The following RYR2 variants were observed in gnomAD, a reference collection of about 807,000 sequenced individuals.
RYR2 encodes cardiac muscle ryanodine receptor-calcium release channel.
RYR2 carries 227 observed loss-of-function variants against 601.1 expected under a neutral mutation model. That is an observed-to-expected ratio of 0.38 (90% CI 0.34 to 0.42). The LOEUF (loss-of-function observed/expected upper bound fraction) is 0.42, where lower values mean the gene tolerates loss of function less well. RYR2 is among the 10% of genes least tolerant of loss of function. RYR2 has a pLI of 1.00. For missense variants in RYR2, 4,646 were observed against 6,156.5 expected (o/e 0.75, Z 8.21); for synonymous variants, 2,223 against 2,175.1 (o/e 1.02, Z -0.61).
intron 1 of RYR2, among the ~76,000 whole-genome samples, chr1:237,052,854 T>C (rs1479515120): frequency 6.6e-6 from 1 of 152,122 alleles, no homozygotes; most frequent in East Asian, 1.9e-4. Flanking sequence ...TTATTTCATT[T>C]ATTTATTTAT....
At chr1:237,340,648 A>G (rs1432559446) in intron 3 of RYR2, among the ~76,000 whole-genome samples, 3 of 152,180 alleles carry the variant, frequency 2.0e-5, no homozygotes, top group African/African-American at 7.2e-5. Flanking sequence ...TCTGTTACCT[A>G]CCTATTGAAG....
At chr1:237,131,956 C>T (rs1672217416) in intron 1 of RYR2, among the ~76,000 whole-genome samples, 1 of 151,758 alleles carries the variant, frequency 6.6e-6, no homozygotes, top group South Asian at 2.1e-4. Flanking sequence ...ACTCCTGGGC[C>T]CAAGCAATCC....
chr1:237,826,325 T>C (rs1663082040), intron 101 of RYR2, among the ~76,000 whole-genome samples: 1 of 152,162 alleles, frequency 6.6e-6, no homozygotes, highest in South Asian at 2.1e-4. Context: ...CATGGAATAC[T>C]ATGCAGCCAT....
At position 237,071,450 on chromosome 1, in the gene RYR2, C is replaced by T. The variant is rs567169961; in HGVS notation, c.48+28881C>T. On this transcript the variant is annotated intron_variant, in intron 1 of 104. Transcript: ENST00000366574. ...TGTTGGCCAGGCTGGTCTCGAACTC[C>T]TGACCTCAGGTGATCCACCTGCCTC... 3.9e-5 allele frequency among the ~76,000 whole-genome samples: 6 copies of T among 152,288 alleles called. No homozygotes were observed. In the East Asian group the frequency reaches 1.2e-3, roughly 29 times the overall value.
chr1:237,588,356 TAAGAG>T (rs1047330386), intron 29 of RYR2, among the ~76,000 whole-genome samples: 2 of 152,192 alleles, frequency 1.3e-5, no homozygotes, highest in African/African-American at 4.8e-5. Flanking sequence ...CTAATTTCAG[TAAGAG>T]AAAAGTGTGT....
chr1:237,651,352 T>C, intron 50 of RYR2, 59 bp from the exon 51 acceptor site: 3 of 1,130,674 alleles, frequency 2.7e-6, no homozygotes, highest in South Asian at 1.3e-5. Flanking sequence ...TTCTAATGAA[T>C]GATCTACTTA....
chr1:237,631,866 G>A lies in RYR2; in HGVS notation c.6555+325G>A, dbSNP rs7556134. On this transcript the variant is annotated intron_variant, in intron 42 of 104. Transcript: ENST00000366574. ...GATGGTCTCGATCTCCTGACCTCGT[G>A]ATCCGCCCGCCTTGGCCTCCCCTCC... is the stretch of plus-strand genomic sequence containing the variant. 0.46 allele frequency among the ~76,000 whole-genome samples: 56,710 copies of A among 124,308 alleles called. 12,683 individuals are homozygous for A. Among genetic ancestry groups the A allele is most frequent in the African/African-American group, 0.69 (25,951 of 37,826 alleles). 81.6% of individuals were successfully genotyped at this position (124,308 alleles called of 152,430 possible). A position where few individuals can be genotyped will look rare whatever the true frequency, so the allele number is the denominator to read the frequency against.
At chr1:237,123,540 C>G (rs1281436182) in intron 1 of RYR2, among the ~76,000 whole-genome samples, 3 of 151,944 alleles carry the variant, frequency 2.0e-5, no homozygotes, top group Admixed American at 6.6e-5. Flanking sequence ...TGAGCTACGA[C>G]TGTGCCACTG....
At chr1:237,048,088 A>G (rs1291706748) in intron 1 of RYR2, among the ~76,000 whole-genome samples, 2 of 152,028 alleles carry the variant, frequency 1.3e-5, no homozygotes, top group Non-Finnish European at 2.9e-5. Context: ...GCTTGACATC[A>G]TTGCCTGTTC....
chr1:237,717,173 C>T (rs749697842), intron 71 of RYR2, 25 bp from the exon 72 acceptor site: 27 of 1,609,518 alleles, frequency 1.7e-5, no homozygotes, highest in Non-Finnish European at 2.3e-5. Flanking sequence ...AGGTTCAGAT[C>T]CCAGCACTTC....
chr1:237,239,046 T>C (rs1685881570), intron 1 of RYR2, among the ~76,000 whole-genome samples: 1 of 152,168 alleles, frequency 6.6e-6, no homozygotes, highest in Non-Finnish European at 1.5e-5. Flanking sequence ...TAAAATTACA[T>C]ATATTTTAAA....
intron 21 of RYR2, among the ~76,000 whole-genome samples, chr1:237,501,870 G>A (rs1252844034): frequency 6.6e-6 from 1 of 152,218 alleles, no homozygotes; most frequent in Non-Finnish European, 1.5e-5. Context: ...GACAGGTGCA[G>A]TAGTTTGCAC....
At position 237,709,469 on chromosome 1, in the gene RYR2, A is replaced by T. The variant is rs1057523491; in HGVS notation, c.10143-11A>T. 6.4e-7 allele frequency: 1 copy of T among 1,572,806 alleles called. No homozygotes were observed. Among genetic ancestry groups the T allele is most frequent in the Non-Finnish European group, 8.7e-7 (1 of 1,145,222 alleles). On this transcript the variant is annotated splice_polypyrimidine_tract_variant and intron_variant, in intron 69 of 104. Transcript: ENST00000366574. ...TAGCTGAGAAACCACTTTATTTATT[A>T]TGTGATCCAGGGCAAAGTGGCTAAA... is the stretch of plus-strand genomic sequence containing the variant.
intron 3 of RYR2, among the ~76,000 whole-genome samples, chr1:237,350,061 AATAAAT>A (rs1698627740): frequency 6.6e-6 from 1 of 152,154 alleles, no homozygotes; most frequent in Admixed American, 6.5e-5. Context: ...AAATATAACT[AATAAAT>A]ATAAACTCAT....
chr1:237,309,536 C>T (rs532666914), intron 2 of RYR2, among the ~76,000 whole-genome samples: 3 of 152,344 alleles, frequency 2.0e-5, no homozygotes, highest in African/African-American at 7.2e-5. Flanking sequence ...TTCTCCAATT[C>T]CCCACTAGAC....
chr1:237,411,308 T>C lies in RYR2; in HGVS notation c.774-5741T>C, dbSNP rs115139652. On this transcript the variant is annotated intron_variant, in intron 10 of 104. Coordinates refer to ENST00000366574, the MANE Select transcript of RYR2 (RefSeq NM_001035.3). ...TTTTTTTAAAAAAAGAATGCTGAGA[T>C]CCTGCCATTGAATTGCAGGAGGAGG... Among the ~76,000 whole-genome samples, 633 of 152,244 alleles carry C rather than the reference T, an allele frequency of 4.2e-3. 5 individuals are homozygous for C. The highest frequency in any genetic ancestry group is 0.013 in the African/African-American group (559 of 41,526).
chr1:237,601,262 T>A (rs1676470136), intron 34 of RYR2, among the ~76,000 whole-genome samples: 1 of 152,054 alleles, frequency 6.6e-6, no homozygotes, highest in Non-Finnish European at 1.5e-5. Context: ...ATAAAAAAAA[T>A]GAGAACCTGT....
At chr1:237,644,521 T>A (rs957923931) in intron 48 of RYR2, among the ~76,000 whole-genome samples, 1 of 152,172 alleles carries the variant, frequency 6.6e-6, no homozygotes, top group South Asian at 2.1e-4. Context: ...CATGAGGCAC[T>A]GCTCCTAGCC....
intron 76 of RYR2, among the ~76,000 whole-genome samples, chr1:237,729,778 C>G (rs573378217): frequency 6.6e-6 from 1 of 152,176 alleles, no homozygotes; most frequent in East Asian, 1.9e-4. Flanking sequence ...CACTTAATAC[C>G]TTTTGTTTTG....
Sources: allele counts gnomAD v4.1 joint callset (sites outside exome capture counted in the v4.1 genomes callset), GRCh38; gene constraint gnomAD v4.1.1; transcripts MANE v1.5; gene names NCBI Gene and HGNC (gene_info 2026-07-23, HGNC 2026-07-21).